Variants in NOTCH4 observed in about 807,000 individuals in gnomAD.
The protein encoded by NOTCH4 is neurogenic locus notch homolog protein 4.
NOTCH4 carries 138 observed loss-of-function variants against 189.0 expected under a neutral mutation model. The ratio of observed to expected loss-of-function variants is 0.73; its 90% CI spans 0.64 to 0.84. The LOEUF (loss-of-function observed/expected upper bound fraction) is 0.84, where lower values mean the gene tolerates loss of function less well. NOTCH4 is among the 40% of genes least tolerant of loss of function. NOTCH4 has a pLI of 0.00. For synonymous variants in NOTCH4, 942 were observed against 1,032.8 expected (o/e 0.91, Z 1.69); for missense variants, 2,286 against 2,605.4 (o/e 0.88, Z 2.67).
Position 32,217,960 on chromosome 6 carries a change from G to T in NOTCH4, c.1624+35C>A. The T allele has an allele frequency of 1.5e-6, 2 of 1,375,902 alleles. No homozygotes were observed. The highest frequency in any genetic ancestry group is 2.1e-6 in the Non-Finnish European group (2 of 966,020). The allele number at this position is 1,375,902 out of a possible 1,614,324, so 85.2% of individuals were successfully genotyped here. ...GAACTCTGCAGGTTCAGAGGCCTGG[G>T]GTCTGAGGGTGGCCAGAGAGGCATC... is the stretch of plus-strand genomic sequence containing the variant. On this transcript the variant is annotated intron_variant, in intron 9 of 29. Coordinates refer to ENST00000375023, the MANE Select transcript of NOTCH4 (RefSeq NM_004557.4). The surrounding 1 kb of genome is among the most constrained non-coding windows in gnomAD (Gnocchi z 4.2).
rs1332939706 is a variant in NOTCH4, at chr6:32,215,328, C to A, written c.1919G>T (p.Cys640Phe). The change falls in exon 12 of 30, where the codon TGT (cysteine) becomes TTT (phenylalanine). Residue 640 changes from cysteine to phenylalanine, a missense_variant. Physicochemically the swap from Cys to Phe is radical, Grantham distance 205. Coordinates refer to ENST00000375023, the MANE Select transcript of NOTCH4 (RefSeq NM_004557.4). ...APNLCQPKQI[C>F]KDQKDKANCL... is the part of the protein sequence containing the mutation. ...GTTGGCCTTGTCTTTCTGGTCCTTA[C>A]ATATCTGCTTGGGCTGGCACAGGTT... The A allele has an allele frequency of 6.2e-7, 1 of 1,610,304 alleles. No homozygotes were observed. Among genetic ancestry groups the A allele is most frequent in the African/African-American group, 1.3e-5 (1 of 74,898 alleles).
At position 32,195,733 on chromosome 6, in the gene NOTCH4, C is replaced by G; in HGVS notation, c.5716G>C (p.Gly1906Arg). The change falls in exon 30 of 30, where the codon GGA (glycine) becomes CGA (arginine). Residue 1906 changes from glycine (G) to arginine (R), a missense_variant. Transcript: ENST00000375023. This position sits in a 1 kb window ranked among gnomAD's most constrained non-coding sequence, Gnocchi z 5.4. The part of the protein sequence containing the change: ...HCRSLSGVGA[G>R]GGPTPRGRRF... ...CGGCCGCGAGGGGTCGGGCCTCCTC[C>G]TGCTCCTACTCCCGAGAGGCTCCGG... is the stretch of plus-strand genomic sequence containing the variant. The G allele has an allele frequency of 1.2e-6, 2 of 1,612,716 alleles. No individual in the cohort carries two copies. Among genetic ancestry groups the G allele is most frequent in the Non-Finnish European group, 1.7e-6 (2 of 1,179,914 alleles).
At chr6:32,204,026 G>T in intron 19 of NOTCH4, 111 bp downstream of exon 19, 2 of 1,479,886 alleles carry the variant, frequency 1.4e-6, no homozygotes, top group Non-Finnish European at 1.8e-6. Flanking sequence ...GGGCGTGGAG[G>T]CAGGGGATGG....
intron 19 of NOTCH4, 101 bp downstream of exon 19, chr6:32,204,036 G>T: frequency 6.6e-7 from 1 of 1,515,012 alleles, no homozygotes; most frequent in Non-Finnish European, 9.0e-7. Flanking sequence ...GCAGGGGATG[G>T]ACCAGGTGAC....
At position 32,195,228 on chromosome 6, in the gene NOTCH4, G is replaced by A. The variant is rs1561906286; in HGVS notation, c.*209C>T. 1 of 575,240 alleles carries A rather than the reference G, an allele frequency of 1.7e-6. No individual in the cohort carries two copies. Among genetic ancestry groups the A allele is most frequent in the South Asian group, 2.3e-5 (1 of 42,576 alleles). The allele number at this position is 575,240 out of a possible 1,614,324, so 35.6% of individuals were successfully genotyped here. A position where few individuals can be genotyped will look rare whatever the true frequency, so the allele number is the denominator to read the frequency against. ...TATTTTCTGGAGGAGGACTGGGCCT[G>A]CCTCATCCTAGCATCTTAAACCCTC... On this transcript the variant is annotated 3_prime_UTR_variant, in exon 30 of 30. Coordinates refer to ENST00000375023, the MANE Select transcript of NOTCH4 (RefSeq NM_004557.4). The surrounding 1 kb of genome is among the most constrained non-coding windows in gnomAD (Gnocchi z 5.4).
At position 32,201,432 on chromosome 6, in the gene NOTCH4, G is replaced by T. The variant is rs758251797; in HGVS notation, c.3824C>A (p.Ala1275Glu). ...GTCACCTCCATCCCAGCCACACTCTGCAGTGTTGCAGCCTTTCTCACAGTG... is the reference window on the plus strand; with the variant it reads ...GTCACCTCCATCCCAGCCACACTCTTCAGTGTTGCAGCCTTTCTCACAGTG... ...NGHCEKGCNTAECGWDGGDCR... is the reference protein window; with the variant it reads ...NGHCEKGCNTEECGWDGGDCR... The change falls in exon 22 of 30, where the codon GCA becomes GAA. Residue 1275 changes from alanine (A) to glutamate (E), a missense_variant. Coordinates refer to ENST00000375023, the MANE Select transcript of NOTCH4 (RefSeq NM_004557.4). The surrounding 1 kb of genome is among the most constrained non-coding windows in gnomAD (Gnocchi z 5.5). The T allele has an allele frequency of 6.5e-7, 1 of 1,543,680 alleles. No homozygotes were observed. Among genetic ancestry groups the T allele is most frequent in the Admixed American group, 2.0e-5 (1 of 49,804 alleles).
intron 18 of NOTCH4, among the ~76,000 whole-genome samples, chr6:32,207,634 C>G (rs1206985086): frequency 6.7e-6 from 1 of 149,278 alleles, no homozygotes; most frequent in Non-Finnish European, 1.5e-5. Flanking sequence ...TCTATCCCCC[C>G]CCCCCAAAAA....
At position 32,201,177 on chromosome 6, in the gene NOTCH4, T is replaced by C. The variant is rs748150165; in HGVS notation, c.4079A>G (p.Gln1360Arg). The change falls in exon 22 of 30, where the codon CAG becomes CGG. Residue 1360 changes from glutamine (Q) to arginine (R), a missense_variant. By Grantham distance (43) the Gln-to-Arg change is conservative. This residue lies in a region of NOTCH4 where 1,903 missense variants were observed against 2,261.9 expected (regional missense o/e 0.84). Coordinates refer to ENST00000375023, the MANE Select transcript of NOTCH4 (RefSeq NM_004557.4). The surrounding 1 kb of genome is among the most constrained non-coding windows in gnomAD (Gnocchi z 5.5). ...KLGGTRDPTY[Q>R]ERAAPQTQPL... ...CTGCGTTTGAGGGGCTGCTCTCTCC[T>C]GATAGGTGGGGTCCCGAGTTCCTCC... 4.3e-6 allele frequency: 7 copies of C among 1,612,804 alleles called. No individual in the cohort carries two copies. In the African/African-American group the frequency reaches 8.0e-5, roughly 18 times the overall value.
intron 27 of NOTCH4, 71 bp downstream of exon 27, chr6:32,197,228 A>G: frequency 1.3e-6 from 2 of 1,516,282 alleles, no homozygotes; most frequent in Non-Finnish European, 1.8e-6. Flanking sequence ...GTCAAACTCT[A>G]GGGGATGCTT....
chr6:32,209,841 C>G (rs780951870), intron 18 of NOTCH4, among the ~76,000 whole-genome samples: 13 of 151,904 alleles, frequency 8.6e-5, no homozygotes, highest in Middle Eastern at 3.4e-3. Context: ...CAAGATTATG[C>G]CACTGCCCTT....
In NOTCH4 at chr6:32,201,305, C is replaced by T. The variant is rs929962017; in HGVS notation, c.3951G>A (p.Arg1317=). The change falls in exon 22 of 30, where the codon CGG becomes CGA. Residue 1317 remains arginine, a synonymous_variant. Transcript: ENST00000375023. The surrounding 1 kb of genome is among the most constrained non-coding windows in gnomAD (Gnocchi z 5.5). ...CTACCCTCAGAGTCAGGGACAGCACCCGGGCCAGGGCAAACAGCTGCTGGT... is the reference window on the plus strand; with the variant it reads ...CTACCCTCAGAGTCAGGGACAGCACTCGGGCCAGGGCAAACAGCTGCTGGT... ...ALDQQLFALA[R]VLSLTLRVGL... The T allele has an allele frequency of 4.3e-6, 7 of 1,612,828 alleles. No individual in the cohort carries two copies. The highest frequency in any genetic ancestry group is 1.3e-5 in the African/African-American group (1 of 74,926).
chr6:32,223,251 C>A (rs1310072470), intron 1 of NOTCH4, among the ~76,000 whole-genome samples, 165 bp from the exon 2 acceptor site: 2 of 151,810 alleles, frequency 1.3e-5, no homozygotes, highest in Non-Finnish European at 2.9e-5. Context: ...CAGCCCCAGC[C>A]CCAGTGCCCT....
rs191994310 is a variant in NOTCH4, at chr6:32,223,731, G to A, written c.73+125C>T. 1.5e-3 allele frequency: 1,439 copies of A among 973,620 alleles called. 9 individuals carry two copies. Among genetic ancestry groups the A allele is most frequent in the Non-Finnish European group, 1.8e-3 (1,162 of 655,124 alleles). The allele number at this position is 973,620 out of a possible 1,614,324, so 60.3% of individuals were successfully genotyped here. A position where few individuals can be genotyped will look rare whatever the true frequency, so the allele number is the denominator to read the frequency against. On this transcript the variant is annotated intron_variant, in intron 1 of 29. Coordinates refer to ENST00000375023, the MANE Select transcript of NOTCH4 (RefSeq NM_004557.4). ...TTTCCCTGGAGGCCGTCTCTATTTG[G>A]GCAGTGAGAATCTCCTCCATCCAGC...
rs1788280645 is a variant in NOTCH4 at position 32,200,689 on chromosome 6, A to G, written c.4315+142T>C. ...GGCCAGTGGGAGATTCAGTTAGAGA[A>G]AGCGGGGTTAGGGAAAGTAAGTCCC... On this transcript the variant is annotated intron_variant, in intron 23 of 29. Coordinates refer to ENST00000375023, the MANE Select transcript of NOTCH4 (RefSeq NM_004557.4). The surrounding 1 kb of genome is among the most constrained non-coding windows in gnomAD (Gnocchi z 5.0). The G allele has an allele frequency of 4.6e-6, 3 of 657,256 alleles. No homozygotes were observed. Among genetic ancestry groups the G allele is most frequent in the Non-Finnish European group, 7.5e-6 (3 of 402,136 alleles). 40.7% of individuals were successfully genotyped at this position (657,256 alleles called of 1,614,324 possible). A position where few individuals can be genotyped will look rare whatever the true frequency, so the allele number is the denominator to read the frequency against.
intron 1 of NOTCH4, among the ~76,000 whole-genome samples, chr6:32,223,289 C>G (rs1018740507): frequency 1.3e-5 from 2 of 152,156 alleles, no homozygotes; most frequent in Admixed American, 6.5e-5. Context: ...CCCTACCCCC[C>G]TTTCCTGTTT....
In NOTCH4 at chr6:32,202,134, A is replaced by G. The variant is rs1273751622; in HGVS notation, c.3697T>C (p.Cys1233Arg). The part of the protein sequence containing the change: ...LFRDGQCHPQ[C>R]DSEECLFDGY... The stretch of plus-strand genomic sequence containing the variant: ...TCAAACAGACACTCTTCAGAGTCAC[A>G]CTGTGGGTGGCACTGCCCGTCCCGG... The change falls in exon 21 of 30, where the codon TGT (cysteine) becomes CGT (arginine). Residue 1233 changes from cysteine to arginine, a missense_variant. Cys to Arg is a radical substitution (Grantham distance 180). Coordinates refer to ENST00000375023, the MANE Select transcript of NOTCH4 (RefSeq NM_004557.4). This position sits in a 1 kb window ranked among gnomAD's most constrained non-coding sequence, Gnocchi z 5.7. 1.3e-6 allele frequency: 2 copies of G among 1,512,170 alleles called. No homozygotes were observed. Among genetic ancestry groups the G allele is most frequent in the Non-Finnish European group, 1.8e-6 (2 of 1,130,156 alleles). The allele number at this position is 1,512,170 out of a possible 1,614,324, so 93.7% of individuals were successfully genotyped here.
At position 32,195,556 on chromosome 6, in the gene NOTCH4, T is replaced by C; in HGVS notation, c.5893A>G (p.Ile1965Val). Residue 1965 changes from isoleucine (I) to valine (V), a missense_variant, in exon 30 of 30, where the codon ATT becomes GTT. This residue lies in a region of NOTCH4 where 383 missense variants were observed against 343.5 expected (regional missense o/e 1.11). Coordinates refer to ENST00000375023, the MANE Select transcript of NOTCH4 (RefSeq NM_004557.4). The surrounding 1 kb of genome is among the most constrained non-coding windows in gnomAD (Gnocchi z 5.4). ...GTAAGGCAAGGAGGCGGGATCGGAATGTTGGAGGCAGAACCGCAAGCTCCC... is the reference window on the plus strand; with the variant it reads ...GTAAGGCAAGGAGGCGGGATCGGAACGTTGGAGGCAGAACCGCAAGCTCCC... ...ALGACGSASN[I>V]PIPPPCLTPS... The C allele has an allele frequency of 6.2e-7, 1 of 1,613,068 alleles. No homozygotes were observed. Among genetic ancestry groups the C allele is most frequent in the Non-Finnish European group, 8.5e-7 (1 of 1,180,024 alleles).
rs149364389 is a variant in NOTCH4, at chr6:32,218,071, C to G, written c.1548G>C (p.Glu516Asp). The change falls in exon 9 of 30, where the codon GAG becomes GAC. Residue 516 changes from glutamate to aspartate, a missense_variant. Physicochemically the swap from Glu to Asp is conservative, Grantham distance 45. Coordinates refer to ENST00000375023, the MANE Select transcript of NOTCH4 (RefSeq NM_004557.4). The stretch of plus-strand genomic sequence containing the variant: ...GGTTCAGGCAGGGAGCTGAGGCACA[C>G]TCGTTGGTCTCCACCTCACAGAGCT... ...EGQLCEVETNECASAPCLNHA... is the reference protein window; with the variant it reads ...EGQLCEVETNDCASAPCLNHA... The G allele has an allele frequency of 1.2e-6, 2 of 1,613,672 alleles. No homozygotes were observed. The highest frequency in any genetic ancestry group is 2.7e-5 in the African/African-American group (2 of 74,928).
intron 11 of NOTCH4, chr6:32,216,552 A>T (rs80074882): frequency 1.9e-5 from 6 of 323,210 alleles, no homozygotes; most frequent in Admixed American, 4.5e-5. Context: ...GTGGGCTATG[A>T]TCAACAGGAG....
Sources: gnomAD v4.1 joint callset for allele counts (sites outside exome capture counted in the v4.1 genomes callset) on GRCh38, gnomAD v4.1.1 for gene constraint, gnomAD v4.1.1 regional missense constraint, Gnocchi (gnomAD v3.1) non-coding constraint, MANE v1.5 for transcripts, NCBI Gene and HGNC (gene_info 2026-07-23, HGNC 2026-07-21) for gene names.